PTPRN2: variants seen among roughly 807,000 people sequenced by gnomAD.
PTPRN2 encodes protein tyrosine phosphatase receptor type N2.
A neutral mutation model predicts 118.8 loss-of-function variants in PTPRN2; 74 were observed. That is an observed-to-expected ratio of 0.62 (90% CI 0.52 to 0.76). The LOEUF is 0.76. Ranked by LOEUF, PTPRN2 falls within the 30% of genes least tolerant of loss-of-function variation. PTPRN2 has a pLI of 0.00. For synonymous variants in PTPRN2, 641 were observed against 608.0 expected (o/e 1.05, Z -0.80); for missense variants, 1,481 against 1,394.4 (o/e 1.06, Z -0.99).
At chr7:158,133,152 C>T (rs57309474) in intron 9 of PTPRN2, among the ~76,000 whole-genome samples, 101,664 of 152,076 alleles carry the variant, frequency 0.67, 34,864 homozygotes, top group African/African-American at 0.82. Context: ...GAAGGGCGCC[C>T]ACGCCAGGAT....
chr7:158,080,354 T>C (rs1272970581), intron 11 of PTPRN2, among the ~76,000 whole-genome samples: 1 of 131,744 alleles, frequency 7.6e-6, no homozygotes, highest in Admixed American at 7.7e-5. Context: ...AGTTCATAGA[T>C]TTAGCAATAT....
chr7:158,274,730 A>G (rs916364021), intron 3 of PTPRN2, among the ~76,000 whole-genome samples: 2 of 152,162 alleles, frequency 1.3e-5, no homozygotes, highest in African/African-American at 2.4e-5. Context: ...CAGGTACCCT[A>G]CGGGGGGAGT....
rs186923732 is a variant in PTPRN2, at chr7:158,547,843, C to A, written c.112+39715G>T. Among the ~76,000 whole-genome samples the A allele has an allele frequency of 5.3e-4, 81 of 152,366 alleles. 1 individual carries two copies. In the East Asian group the frequency reaches 0.013, roughly 24 times the overall value. ...CTACTCTGTCCCAATATCAAGGCAA[C>A]GCTTCTCAAGGACATGGGCTGGCCC... is the stretch of plus-strand genomic sequence containing the variant. On this transcript the variant is annotated intron_variant, in intron 1 of 22. Coordinates refer to ENST00000389418, the MANE Select transcript of PTPRN2 (RefSeq NM_002847.5).
At position 157,906,790 on chromosome 7, in the gene PTPRN2, A is replaced by G. The variant is rs1358170989; in HGVS notation, c.1724-8053T>C. Among the ~76,000 whole-genome samples the G allele has an allele frequency of 4.6e-5, 7 of 152,006 alleles. No individual in the cohort carries two copies. In the East Asian group the frequency reaches 1.4e-3, roughly 29 times the overall value. The stretch of plus-strand genomic sequence containing the variant: ...GAGGATGGGCTAGGGGCTGAGGGAG[A>G]CCTTAGGGAGGGGCAGGGTAGGAAG... On this transcript the variant is annotated intron_variant, in intron 11 of 22. Coordinates refer to ENST00000389418, the MANE Select transcript of PTPRN2 (RefSeq NM_002847.5).
chr7:157,607,544 C>T (rs1638013), intron 15 of PTPRN2, among the ~76,000 whole-genome samples: 3 of 152,258 alleles, frequency 2.0e-5, no homozygotes, highest in African/African-American at 7.2e-5. Flanking sequence ...AGCCCTCAGG[C>T]TTTTGACCTG....
At chr7:158,236,257 T>C (rs1411452492) in intron 3 of PTPRN2, among the ~76,000 whole-genome samples, 1 of 152,142 alleles carries the variant, frequency 6.6e-6, no homozygotes, top group African/African-American at 2.4e-5. Flanking sequence ...TGCTACGTGG[T>C]GCCTGCCACA....
In PTPRN2 at chr7:158,515,749, T is replaced by C. The variant is rs1180928421; in HGVS notation, c.113-25964A>G. Among the ~76,000 whole-genome samples, 3 of 152,162 alleles carry C rather than the reference T, an allele frequency of 2.0e-5. No homozygotes were observed. In the East Asian group the frequency reaches 5.8e-4, roughly 29 times the overall value. On this transcript the variant is annotated intron_variant, in intron 1 of 22. Transcript: ENST00000389418. ...ATCCTCCTCTCCTGATTCCTTTCCTTGGCTTGTTTTCACCCACGTGCCACT... is the reference window on the plus strand; with the variant it reads ...ATCCTCCTCTCCTGATTCCTTTCCTCGGCTTGTTTTCACCCACGTGCCACT...
chr7:157,694,745 T>C (rs751645882), intron 12 of PTPRN2, among the ~76,000 whole-genome samples: 17 of 151,970 alleles, frequency 1.1e-4, no homozygotes, highest in Middle Eastern at 3.2e-3. Flanking sequence ...GAATGAATAA[T>C]GATGTGAGGA....
At chr7:158,253,240 C>T (rs1796800333) in intron 3 of PTPRN2, among the ~76,000 whole-genome samples, 1 of 152,202 alleles carries the variant, frequency 6.6e-6, no homozygotes, top group Non-Finnish European at 1.5e-5. Flanking sequence ...ATGTGCATAA[C>T]TGAAGCTGCC....
intron 11 of PTPRN2, among the ~76,000 whole-genome samples, chr7:158,007,176 T>C (rs1479375021): frequency 6.6e-6 from 1 of 152,200 alleles, no homozygotes; most frequent in Non-Finnish European, 1.5e-5. Flanking sequence ...AATCGCCTCC[T>C]GAAAGACACT....
In PTPRN2 at chr7:157,831,486, G is replaced by A. The variant is rs748314541; in HGVS notation, c.1788+67187C>T. On this transcript the variant is annotated intron_variant, in intron 12 of 22. Coordinates refer to ENST00000389418, the MANE Select transcript of PTPRN2 (RefSeq NM_002847.5). The surrounding 1 kb of genome is among the most constrained non-coding windows in gnomAD (Gnocchi z 4.8). ...TGCCCTGGGGCTGGGGCTGGGAGACGGAGCTGCCCTCCCCATCCCTGTCCA... is the reference window on the plus strand; with the variant it reads ...TGCCCTGGGGCTGGGGCTGGGAGACAGAGCTGCCCTCCCCATCCCTGTCCA... Among the ~76,000 whole-genome samples, 6 of 152,132 alleles carry A rather than the reference G, an allele frequency of 3.9e-5. No individual in the cohort carries two copies. The highest frequency in any genetic ancestry group is 8.8e-5 in the Non-Finnish European group (6 of 68,014).
rs2151309135 is a variant in PTPRN2, at chr7:157,893,363, T to C, written c.1788+5310A>G. 6.6e-6 allele frequency among the ~76,000 whole-genome samples: 1 copy of C among 152,326 alleles called. No homozygotes were observed. The highest frequency in any genetic ancestry group is 1.5e-5 in the Non-Finnish European group (1 of 68,024). ...TGCAGGTGAGCTCCTGCCTCTGCCC[T>C]CAGCCCCCACGGTCCCCCGCAGTCT... On this transcript the variant is annotated intron_variant, in intron 12 of 22. Transcript: ENST00000389418. This position sits in a 1 kb window ranked among gnomAD's most constrained non-coding sequence, Gnocchi z 4.0.
chr7:158,478,008 C>T (rs561726743), intron 2 of PTPRN2, among the ~76,000 whole-genome samples: 5 of 152,302 alleles, frequency 3.3e-5, no homozygotes, highest in East Asian at 1.9e-4. Context: ...CGCTGGTCAG[C>T]GGAGCAGGGA....
At position 157,794,693 on chromosome 7, in the gene PTPRN2, G is replaced by A. The variant is rs183903082; in HGVS notation, c.1788+103980C>T. ...TTATTGTGTCACTTACTGCAAAGCA[G>A]CTCAAGGAGCCTGAAGACACCCAGC... On this transcript the variant is annotated intron_variant, in intron 12 of 22. Transcript: ENST00000389418. This position sits in a 1 kb window ranked among gnomAD's most constrained non-coding sequence, Gnocchi z 5.2. Among the ~76,000 whole-genome samples, 12 of 152,310 alleles carry A rather than the reference G, an allele frequency of 7.9e-5. No individual in the cohort carries two copies. In the East Asian group the frequency reaches 2.1e-3, roughly 27 times the overall value.
At chr7:158,394,157 C>T (rs907917181) in intron 2 of PTPRN2, among the ~76,000 whole-genome samples, 4 of 151,480 alleles carry the variant, frequency 2.6e-5, no homozygotes, top group Admixed American at 1.3e-4. Flanking sequence ...CCTCTGTCCC[C>T]GACGGACACC....
intron 12 of PTPRN2, among the ~76,000 whole-genome samples, chr7:157,747,477 C>G (rs13242120): frequency 0.28 from 5,968 of 21,508 alleles, 1,191 homozygotes; most frequent in African/African-American, 0.58. Flanking sequence ...GGGGTGTCCG[C>G]GTGATTCTGA....
intron 2 of PTPRN2, among the ~76,000 whole-genome samples, chr7:158,407,179 CGTCCTGGGTCCTGGGTCCTGGGTCCTGG>C (rs1292146372): frequency 2.1e-5 from 1 of 48,058 alleles, no homozygotes; most frequent in Non-Finnish European, 4.3e-5. Flanking sequence ...CTGCGTCCTG[CGTCCTGGGTCCTGGGTCCTGGGTCCTGG>C]GTCCTGCGTC....
chr7:158,501,974 C>A (rs1245623890), intron 1 of PTPRN2, among the ~76,000 whole-genome samples: 1 of 152,128 alleles, frequency 6.6e-6, no homozygotes, highest in Non-Finnish European at 1.5e-5. Context: ...TAAGGTGAGG[C>A]GAGTGTCAGC....
At chr7:158,193,200 G>A (rs73746420) in intron 4 of PTPRN2, among the ~76,000 whole-genome samples, 6,613 of 152,308 alleles carry the variant, frequency 0.043, 472 homozygotes, top group African/African-American at 0.15. Flanking sequence ...GCTGAGGGCG[G>A]CAGGGGTAGG....
Sources: allele counts gnomAD v4.1 joint callset (sites outside exome capture counted in the v4.1 genomes callset), GRCh38; gene constraint gnomAD v4.1.1; non-coding constraint Gnocchi (gnomAD v3.1); transcripts MANE v1.5; gene names NCBI Gene and HGNC (gene_info 2026-07-23, HGNC 2026-07-21).